TRDMT1: variants seen among roughly 807,000 people sequenced by gnomAD.
TRDMT1 encodes tRNA (cytosine(38)-C(5))-methyltransferase.
Under a neutral mutation model 51.2 loss-of-function variants are expected in TRDMT1, and 49 were observed. That is an observed-to-expected ratio of 0.96 (90% CI 0.76 to 1.21). The LOEUF (loss-of-function observed/expected upper bound fraction) is 1.21. Among genes scored for constraint, TRDMT1 ranks in the 50% most tolerant of loss-of-function variants. The pLI, the probability that TRDMT1 is intolerant of heterozygous loss-of-function variation, is 0.00. For missense variants in TRDMT1, 534 were observed against 462.3 expected, an observed-to-expected ratio of 1.16 and a Z score of -1.42; for synonymous variants, 187 against 164.6, an observed-to-expected ratio of 1.14 and a Z score of -1.04.
intron 2 of TRDMT1, chr10:17,171,707 CA>C (rs1169025187): frequency 6.6e-6 from 1 of 152,188 alleles, no homozygotes; most frequent in Non-Finnish European, 1.5e-5. Flanking sequence ...ACTCCGATTA[CA>C]TTATTATTTC....
intron 1 of TRDMT1, among the ~76,000 whole-genome samples, chr10:17,187,722 G>A (rs1009266894): frequency 1.3e-5 from 2 of 152,188 alleles, no homozygotes; most frequent in Non-Finnish European, 2.9e-5. Flanking sequence ...AGGCAGGGCA[G>A]AGGATACAAG....
intron 1 of TRDMT1, chr10:17,201,247 T>G (rs1846116907): frequency 3.5e-6 from 1 of 285,876 alleles, no homozygotes; most frequent in Non-Finnish European, 6.6e-6. Context: ...GAATGGGGGC[T>G]TGGCACCAGG....
rs745653840 is a variant in TRDMT1, at chr10:17,157,701, G to A, written c.627C>T (p.Asn209=). ...MDVENKIQEK[N]VEPNISFDGS... is the part of the protein sequence containing the mutation. ...CATCAAAGCTAATATTTGGTTCAAC[G>A]TTCTTTTCTTGAATTTTATTTTCTA... Residue 209 remains asparagine (N), a synonymous_variant, in exon 8 of 11, where the codon AAC becomes AAT. Transcript: ENST00000377799. The A allele has an allele frequency of 1.1e-5, 17 of 1,611,994 alleles. 1 individual carries two copies. The highest frequency in any genetic ancestry group is 8.8e-5 in the South Asian group (8 of 90,866).
rs776405028 is a variant in TRDMT1, at chr10:17,144,153, CTCT to C, written c.*4884_*4886del. ...CAGATAAGTCAGCTCCAAGCCTCTG[CTCT>C]TCTTTTTCTCTTTCTCTCTTTCACT... is the stretch of plus-strand genomic sequence containing the variant. On this transcript the variant is annotated 3_prime_UTR_variant, in exon 11 of 11. Coordinates refer to ENST00000377799, the MANE Select transcript of TRDMT1 (RefSeq NM_004412.7). The C allele has an allele frequency of 8.1e-6, 8 of 985,566 alleles. No individual in the cohort carries two copies. The highest frequency in any genetic ancestry group is 9.6e-6 in the Non-Finnish European group (8 of 829,944). 61.1% of individuals were successfully genotyped at this position (985,566 alleles called of 1,614,324 possible).
At chr10:17,176,647 G>A (rs1419960184) in intron 1 of TRDMT1, among the ~76,000 whole-genome samples, 1 of 152,176 alleles carries the variant, frequency 6.6e-6, no homozygotes, top group Non-Finnish European at 1.5e-5. Flanking sequence ...GATGTACTAA[G>A]ATATTACTGA....
At chr10:17,184,378 C>T (rs754007314) in intron 1 of TRDMT1, among the ~76,000 whole-genome samples, 4 of 151,688 alleles carry the variant, frequency 2.6e-5, no homozygotes, top group Non-Finnish European at 4.4e-5. Flanking sequence ...TACTCTATAT[C>T]TAGTTAACTG....
chr10:17,193,057 A>G (rs538607199), intron 1 of TRDMT1, among the ~76,000 whole-genome samples: 1 of 152,236 alleles, frequency 6.6e-6, no homozygotes, highest in African/African-American at 2.4e-5. Flanking sequence ...AGCCAGAGCA[A>G]TCCCTCAACA....
rs757492157 is a variant in TRDMT1 at position 17,162,256 on chromosome 10, AAAAAAAC to A, written c.252-26_252-20del. The stretch of plus-strand genomic sequence containing the variant: ...GCCAATCCTAAAGGGGTAAAAAAAA[AAAAAAAC>A]AAAAAAAAACACAGAAAGTTTATTA... On this transcript the variant is annotated intron_variant, in intron 3 of 10. Coordinates refer to ENST00000377799, the MANE Select transcript of TRDMT1 (RefSeq NM_004412.7). 1 of 1,542,590 alleles carries A rather than the reference AAAAAAAC, an allele frequency of 6.5e-7. No homozygotes were observed. Among genetic ancestry groups the A allele is most frequent in the African/African-American group, 1.4e-5 (1 of 70,486 alleles).
At chr10:17,167,176 C>T (rs1258383404) in intron 3 of TRDMT1, among the ~76,000 whole-genome samples, 1 of 152,164 alleles carries the variant, frequency 6.6e-6, no homozygotes, top group African/African-American at 2.4e-5. Context: ...AAAATAATGC[C>T]TGGCTTGTAG....
chr10:17,152,018 G>T (rs1168482017), intron 10 of TRDMT1: 1 of 1,299,370 alleles, frequency 7.7e-7, no homozygotes. Context: ...AAACAAAAAA[G>T]CACTGAAGAA....
intron 1 of TRDMT1, among the ~76,000 whole-genome samples, chr10:17,181,517 T>C (rs1448013519): frequency 6.6e-6 from 1 of 152,196 alleles, no homozygotes; most frequent in Non-Finnish European, 1.5e-5. Flanking sequence ...AGAGAATAAG[T>C]GAATTATACT....
At chr10:17,178,677 GAAAA>G (rs3054721) in intron 1 of TRDMT1, among the ~76,000 whole-genome samples, 1 of 104,050 alleles carries the variant, frequency 9.6e-6, no homozygotes, top group Non-Finnish European at 2.1e-5. Context: ...CTCTGTCTCG[GAAAA>G]AAAAAAAAAA....
At chr10:17,184,544 T>C (rs943987928) in intron 1 of TRDMT1, among the ~76,000 whole-genome samples, 1 of 152,072 alleles carries the variant, frequency 6.6e-6, no homozygotes, top group Non-Finnish European at 1.5e-5. Context: ...TGCTTTATAG[T>C]TAGCCCTCCT....
In TRDMT1 at chr10:17,140,214, ATTTT is replaced by A. The variant is rs35309958; in HGVS notation, c.*8822_*8825del. Among the ~76,000 whole-genome samples, 119 of 131,234 alleles carry A rather than the reference ATTTT, an allele frequency of 9.1e-4. No homozygotes were observed. The highest frequency in any genetic ancestry group is 1.2e-3 in the Non-Finnish European group (75 of 61,888). 86.1% of individuals were successfully genotyped at this position (131,234 alleles called of 152,430 possible). On this transcript the variant is annotated 3_prime_UTR_variant, in exon 11 of 11. Transcript: ENST00000377799. ...CAGGCACATGCCACCACATCCAGCT[ATTTT>A]TTTTTTTTTTTTGTACCTTTAGTAG...
chr10:17,159,467 A>G (rs12355379), intron 6 of TRDMT1, among the ~76,000 whole-genome samples: 20,865 of 152,124 alleles, frequency 0.14, 1,530 homozygotes, highest in Admixed American at 0.17. Flanking sequence ...AAATATATCT[A>G]CAAGTCACTT....
rs757976757 is a variant in TRDMT1, at chr10:17,147,464, A to C, written c.*1576T>G. On this transcript the variant is annotated 3_prime_UTR_variant, in exon 11 of 11. Transcript: ENST00000377799. ...ATACAGTTGCAGTGGCATTAAGTAC[A>C]CTCACACTGTTGTGCAACCATCCTC... The C allele has an allele frequency of 3.5e-6, 2 of 564,914 alleles. No individual in the cohort carries two copies. Among genetic ancestry groups the C allele is most frequent in the African/African-American group, 2.0e-5 (1 of 48,994 alleles). 35.0% of individuals were successfully genotyped at this position (564,914 alleles called of 1,614,324 possible).
intron 1 of TRDMT1, among the ~76,000 whole-genome samples, chr10:17,189,201 C>T (rs796946399): frequency 3.9e-5 from 6 of 152,094 alleles, no homozygotes; most frequent in African/African-American, 1.4e-4. Flanking sequence ...AGAATTTATG[C>T]CAAACATGTC....
At position 17,169,376 on chromosome 10, in the gene TRDMT1, T is replaced by A. The variant is rs542317395; in HGVS notation, c.175-459A>T. 2.7e-5 allele frequency: 34 copies of A among 1,259,246 alleles called. No homozygotes were observed. The African/African-American group carries it at 4.5e-4, about 16-fold the overall frequency. The allele number at this position is 1,259,246 out of a possible 1,614,324, so 78.0% of individuals were successfully genotyped here. A position where few individuals can be genotyped will look rare whatever the true frequency, so the allele number is the denominator to read the frequency against. ...CCAGTCACCATCCCTTTCATATACA[T>A]CTGTTAATATATTATCAAATGGAAA... On this transcript the variant is annotated intron_variant, in intron 2 of 10. Coordinates refer to ENST00000377799, the MANE Select transcript of TRDMT1 (RefSeq NM_004412.7).
chr10:17,157,806 C>T lies in TRDMT1; in HGVS notation c.544-22G>A, dbSNP rs1839770974. 2.0e-6 allele frequency: 3 copies of T among 1,504,622 alleles called. 1 individual carries two copies. Among genetic ancestry groups the T allele is most frequent in the Middle Eastern group, 2.5e-4 (1 of 4,044 alleles). The allele number at this position is 1,504,622 out of a possible 1,614,324, so 93.2% of individuals were successfully genotyped here. On this transcript the variant is annotated intron_variant, in intron 7 of 10. Transcript: ENST00000377799. ...GTACCTGGCATTACATAAAAATACA[C>T]AAATTGTCAAAAGTTGCATTAAAAA...
Sources: gnomAD v4.1 joint callset for allele counts (sites outside exome capture counted in the v4.1 genomes callset) on GRCh38, gnomAD v4.1.1 for gene constraint, MANE v1.5 for transcripts, NCBI Gene and HGNC (gene_info 2026-07-23, HGNC 2026-07-21) for gene names.